CHD9: variants seen among roughly 807,000 people sequenced by gnomAD.
CHD9 encodes ATP-dependent chromatin remodeler CHD9.
Under a neutral mutation model 316.1 loss-of-function variants are expected in CHD9, and 77 were observed. That is an observed-to-expected ratio of 0.24 (90% CI 0.20 to 0.29). The LOEUF (loss-of-function observed/expected upper bound fraction) is 0.29, where lower values mean the gene tolerates loss of function less well. CHD9 is among the 10% of genes least tolerant of loss of function. CHD9 has a pLI of 1.00. For synonymous variants in CHD9, 1,129 were observed against 1,158.3 expected (o/e 0.97, Z 0.51); for missense variants, 2,763 against 3,438.1 (o/e 0.80, Z 4.91).
At chr16:53,254,650 C>G in intron 18 of CHD9, 45 bp downstream of exon 18, 1 of 1,531,574 alleles carries the variant, frequency 6.5e-7, no homozygotes, top group Non-Finnish European at 8.9e-7. Context: ...TGTGTTTTTG[C>G]ATTTGATTTT....
chr16:53,317,955 G>A (rs2057003465), intron 36 of CHD9, among the ~76,000 whole-genome samples: 1 of 152,058 alleles, frequency 6.6e-6, no homozygotes, highest in Non-Finnish European at 1.5e-5. Context: ...TACTTGAGAG[G>A]CTGAGGTGGG....
chr16:53,151,578 A>T (rs2041121274), intron 1 of CHD9, among the ~76,000 whole-genome samples: 1 of 151,700 alleles, frequency 6.6e-6, no homozygotes, highest in Non-Finnish European at 1.5e-5. Flanking sequence ...TTTCTTTGTG[A>T]TCCTCATATT....
At chr16:53,100,730 T>G (rs1416770099) in intron 1 of CHD9, among the ~76,000 whole-genome samples, 2 of 152,210 alleles carry the variant, frequency 1.3e-5, no homozygotes, top group Admixed American at 1.3e-4. Flanking sequence ...CCTTTCGAAG[T>G]GCTGGGATTA....
chr16:53,250,009 T>C lies in CHD9; in HGVS notation c.3804T>C (p.Thr1268=), dbSNP rs370414815. The change falls in exon 17 of 39, where the codon ACT becomes ACC. Residue 1268 remains threonine (T), a synonymous_variant. Coordinates refer to ENST00000447540, the MANE Select transcript of CHD9 (RefSeq NM_001308319.2). ...CTGGTGGGTTGGGCATCAACTTAAC[T>C]GCAGCTGATACATGTATAATTTTTG... The part of the protein sequence containing the change: ...TRAGGLGINL[T]AADTCIIFDS... 2.2e-5 allele frequency: 36 copies of C among 1,613,722 alleles called. No individual in the cohort carries two copies. The African/African-American group carries it at 4.4e-4, about 20-fold the overall frequency.
chr16:53,184,686 G>C (rs1396530924), intron 2 of CHD9, among the ~76,000 whole-genome samples: 1 of 152,082 alleles, frequency 6.6e-6, no homozygotes, highest in Non-Finnish European at 1.5e-5. Context: ...GAAGGCCTTG[G>C]ATGCTGATAA....
At chr16:53,301,731 T>C (rs1299165304) in intron 30 of CHD9, among the ~76,000 whole-genome samples, 1 of 151,784 alleles carries the variant, frequency 6.6e-6, no homozygotes, top group East Asian at 1.9e-4. Context: ...GGAGTTTCCA[T>C]CTATCTCTCA....
chr16:53,252,712 AC>A (rs1597655280), intron 17 of CHD9, among the ~76,000 whole-genome samples: 1 of 151,962 alleles, frequency 6.6e-6, no homozygotes, highest in African/African-American at 2.4e-5. Flanking sequence ...AAAAAAAAAA[AC>A]AGTTCCATCA....
In CHD9 at chr16:53,222,710, T is replaced by C. The variant is rs771604673; in HGVS notation, c.1851T>C (p.Asp617=). Residue 617 remains aspartate, a synonymous_variant, in exon 4 of 39, where the codon GAT becomes GAC. Transcript: ENST00000447540. ...RKNESSDEIS[D]AEQMPQHTLK... is the part of the protein sequence containing the mutation. ...ATGAGTCTTCAGATGAAATATCTGATGCAGAACAGATGCCACAGCATACAT... is the reference window on the plus strand; with the variant it reads ...ATGAGTCTTCAGATGAAATATCTGACGCAGAACAGATGCCACAGCATACAT... 6.3e-7 allele frequency: 1 copy of C among 1,581,600 alleles called. No individual in the cohort carries two copies. Among genetic ancestry groups the C allele is most frequent in the Non-Finnish European group, 8.6e-7 (1 of 1,159,662 alleles).
In CHD9 at chr16:53,254,615, G is replaced by GTTTC; in HGVS notation, c.4029+14_4029+17dup. 6.4e-7 allele frequency: 1 copy of GTTTC among 1,568,090 alleles called. No individual in the cohort carries two copies. The highest frequency in any genetic ancestry group is 8.7e-7 in the Non-Finnish European group (1 of 1,152,470). On this transcript the variant is annotated intron_variant, in intron 18 of 38. Transcript: ENST00000447540. Reference sequence around the variant, plus strand: ...AAGTAATGTTGGTGGTGTATGTATAGTTTCTTTTTCACTTGAGATTTTTGT... The same window carrying GTTTC: ...AAGTAATGTTGGTGGTGTATGTATAGTTTCTTTCTTTTTCACTTGAGATTTTTGT...
At chr16:53,304,905 G>C (rs1472827915) in intron 31 of CHD9, among the ~76,000 whole-genome samples, 2 of 151,172 alleles carry the variant, frequency 1.3e-5, no homozygotes, top group African/African-American at 4.9e-5. Context: ...TGTTGGTCAG[G>C]CTGGTCTCAA....
intron 24 of CHD9, among the ~76,000 whole-genome samples, chr16:53,275,776 C>G (rs1172049294): frequency 6.6e-6 from 1 of 152,144 alleles, no homozygotes; most frequent in Non-Finnish European, 1.5e-5. Flanking sequence ...TTTCTGTACT[C>G]AGTCTTTTCT....
intron 1 of CHD9, among the ~76,000 whole-genome samples, chr16:53,126,764 C>T (rs956417874): frequency 1.1e-4 from 16 of 151,764 alleles, no homozygotes; most frequent in South Asian, 8.3e-4. Flanking sequence ...CTGCAACCTC[C>T]GCCTCCCAGG....
chr16:53,266,140 C>G (rs2051663596), intron 20 of CHD9, among the ~76,000 whole-genome samples: 1 of 151,342 alleles, frequency 6.6e-6, no homozygotes, highest in South Asian at 2.1e-4. Context: ...TCAGTGAATT[C>G]TAAAATTAGT....
At chr16:53,238,705 T>G (rs1460259000) in intron 12 of CHD9, 119 bp downstream of exon 12, 1 of 997,996 alleles carries the variant, frequency 1.0e-6, no homozygotes, top group East Asian at 2.4e-5. Flanking sequence ...GATCTTAGTT[T>G]AAGTTCTTTT....
chr16:53,133,967 TAAAAC>T (rs1450749399), intron 1 of CHD9, among the ~76,000 whole-genome samples: 2 of 152,102 alleles, frequency 1.3e-5, no homozygotes, highest in Non-Finnish European at 2.9e-5. Flanking sequence ...CTATCAATAG[TAAAAC>T]AAAATTTTGG....
chr16:53,227,136 ATATAT>A, intron 5 of CHD9: 1 of 275,206 alleles, frequency 3.6e-6, no homozygotes, highest in Non-Finnish European at 6.8e-6. Context: ...GATTAAATTA[ATATAT>A]GTAAAATGCT....
chr16:53,209,959 C>A, intron 3 of CHD9, 146 bp downstream of exon 3: 1 of 597,882 alleles, frequency 1.7e-6, no homozygotes, highest in South Asian at 2.6e-5. Flanking sequence ...ATTTCATTGC[C>A]GAATGAATTA....
At chr16:53,099,544 A>G (rs1172884066) in intron 1 of CHD9, among the ~76,000 whole-genome samples, 1 of 151,820 alleles carries the variant, frequency 6.6e-6, no homozygotes, top group Non-Finnish European at 1.5e-5. Context: ...CACCTTAGAT[A>G]GGTCACCAGA....
At chr16:53,248,489 T>A (rs1197866393) in intron 16 of CHD9, among the ~76,000 whole-genome samples, 7 of 151,546 alleles carry the variant, frequency 4.6e-5, no homozygotes, top group Non-Finnish European at 1.5e-5. Context: ...TATTTTATTT[T>A]TTTTTGTTTG....
Sources: gnomAD v4.1 joint callset for allele counts (sites outside exome capture counted in the v4.1 genomes callset) on GRCh38, gnomAD v4.1.1 for gene constraint, MANE v1.5 for transcripts, NCBI Gene and HGNC (gene_info 2026-07-23, HGNC 2026-07-21) for gene names.